The following PCDHGA1 variants were observed in gnomAD, a reference collection of about 807,000 sequenced individuals.
PCDHGA1 encodes the protein protocadherin gamma-A1.
A neutral mutation model predicts 58.0 loss-of-function variants in PCDHGA1; 32 were observed. The ratio of observed to expected loss-of-function variants is 0.55; its 90% CI spans 0.42 to 0.74. The LOEUF (loss-of-function observed/expected upper bound fraction) is 0.74, where lower values mean the gene tolerates loss of function less well. Ranked by LOEUF, PCDHGA1 falls within the 30% of genes least tolerant of loss-of-function variation. The pLI is 0.00. For synonymous variants in PCDHGA1, 498 were observed against 501.1 expected (o/e 0.99, Z 0.08); for missense variants, 1,205 against 1,182.3 (o/e 1.02, Z -0.28).
intron 1 of PCDHGA1, chr5:141,409,009 G>A (rs1189849996): frequency 6.2e-7 from 1 of 1,613,994 alleles, no homozygotes. Context: ...CCACTGACCA[G>A]GATGAGGGGG....
chr5:141,478,319 T>A, intron 1 of PCDHGA1: 4 of 1,614,052 alleles, frequency 2.5e-6, no homozygotes, highest in Non-Finnish European at 3.4e-6. Flanking sequence ...GAGCTCACTG[T>A]ACCGAACACC....
Position 141,400,401 on chromosome 5 carries a change from G to A in PCDHGA1, c.2421+67296G>A, listed in dbSNP as rs760681088. 4 of 1,613,936 alleles carry A rather than the reference G, an allele frequency of 2.5e-6. No homozygotes were observed. The South Asian group carries it at 4.4e-5, about 18-fold the overall frequency. ...TATGTGTTGCACATACAGGAAAGAC[G>A]GAGTTTAATTTCCTAAAATGTAGTG... On this transcript the variant is annotated intron_variant, in intron 1 of 3. Transcript: ENST00000517417.
At chr5:141,459,945 G>T (rs113794146) in intron 1 of PCDHGA1, among the ~76,000 whole-genome samples, 54 of 152,164 alleles carry the variant, frequency 3.5e-4, no homozygotes, top group Middle Eastern at 3.2e-3. Flanking sequence ...GGGCGTGATG[G>T]CAGGTGCCTG....
chr5:141,460,614 G>A (rs10058360), intron 1 of PCDHGA1, among the ~76,000 whole-genome samples: 42,418 of 151,914 alleles, frequency 0.28, 6,648 homozygotes, highest in African/African-American at 0.43. Flanking sequence ...TAGATGGATA[G>A]ATAGACAGAT....
intron 1 of PCDHGA1, chr5:141,375,861 C>T (rs567912144): frequency 1.9e-6 from 3 of 1,613,986 alleles, no homozygotes; most frequent in Middle Eastern, 1.7e-4. Flanking sequence ...AAGGTGGTGG[C>T]GGTGGACAGA....
rs182404532 is a variant in PCDHGA1 at position 141,384,827 on chromosome 5, T to G, written c.2421+51722T>G. ...AGAGATGCCCTCAAGCAGAGCCTCGTGGTGGCCGTCCAGGACCACGGTCAG... is the reference window on the plus strand; with the variant it reads ...AGAGATGCCCTCAAGCAGAGCCTCGGGGTGGCCGTCCAGGACCACGGTCAG... On this transcript the variant is annotated intron_variant, in intron 1 of 3. Coordinates refer to ENST00000517417, the MANE Select transcript of PCDHGA1 (RefSeq NM_018912.3). 8,704 of 1,613,474 alleles carry G rather than the reference T, an allele frequency of 5.4e-3. 36 individuals carry two copies. The highest frequency in any genetic ancestry group is 6.5e-3 in the Non-Finnish European group (7,724 of 1,179,900).
At chr5:141,393,357 G>C in intron 1 of PCDHGA1, 5 of 1,613,924 alleles carry the variant, frequency 3.1e-6, no homozygotes, top group Admixed American at 1.7e-5. Flanking sequence ...CTCCCTGGAC[G>C]TGCAGACTGG....
At chr5:141,457,532 T>C (rs2098923599) in intron 1 of PCDHGA1, among the ~76,000 whole-genome samples, 1 of 152,058 alleles carries the variant, frequency 6.6e-6, no homozygotes, top group Admixed American at 6.6e-5. Flanking sequence ...GAGACTAGGG[T>C]TTAATGACAA....
At chr5:141,424,300 AAC>A (rs1370166165) in intron 1 of PCDHGA1, 2 of 152,504 alleles carry the variant, frequency 1.3e-5, no homozygotes, top group Non-Finnish European at 2.9e-5. Context: ...TCATCCTATC[AAC>A]ACAGACATAT....
In PCDHGA1 at chr5:141,413,305, G is replaced by A. The variant is rs780711139; in HGVS notation, c.2421+80200G>A. 1.5e-5 allele frequency: 25 copies of A among 1,613,870 alleles called. No individual in the cohort carries two copies. The South Asian group carries it at 2.0e-4, about 13-fold the overall frequency. ...CTCCTACTCAATTCCTGAGGAATTA[G>A]AGAAAGGCTCTTTCGTGGGCAACAT... is the stretch of plus-strand genomic sequence containing the variant. On this transcript the variant is annotated intron_variant, in intron 1 of 3. Transcript: ENST00000517417.
At chr5:141,344,775 C>T (rs749298482) in intron 1 of PCDHGA1, 2 of 1,613,954 alleles carry the variant, frequency 1.2e-6, no homozygotes, top group African/African-American at 1.3e-5. Flanking sequence ...GCCTGAGTAC[C>T]GTGTGAGTGT....
intron 1 of PCDHGA1, chr5:141,375,888 C>T (rs1049224011): frequency 6.2e-7 from 1 of 1,613,700 alleles, no homozygotes; most frequent in Non-Finnish European, 8.5e-7. Flanking sequence ...GGCCAGAACG[C>T]CTGGCTGTCC....
At position 141,487,147 on chromosome 5, in the gene PCDHGA1, T is replaced by C; in HGVS notation, c.2422-7660T>C. 1 of 1,614,122 alleles carries C rather than the reference T, an allele frequency of 6.2e-7. No individual in the cohort carries two copies. Among genetic ancestry groups the C allele is most frequent in the Non-Finnish European group, 8.5e-7 (1 of 1,179,952 alleles). On this transcript the variant is annotated intron_variant, in intron 1 of 3. Transcript: ENST00000517417. This position sits in a 1 kb window ranked among gnomAD's most constrained non-coding sequence, Gnocchi z 5.0. ...GTGGTAGTCCACCACTCTCTACCTC[T>C]GTTACTCTCTTAGTGTCCTTAGAGG...
At chr5:141,387,298 A>G (rs2090894771) in intron 1 of PCDHGA1, among the ~76,000 whole-genome samples, 1 of 152,244 alleles carries the variant, frequency 6.6e-6, no homozygotes, top group Admixed American at 6.5e-5. Context: ...AAATGTATCC[A>G]GTATATTTCT....
chr5:141,339,876 C>T (rs764027282), intron 1 of PCDHGA1: 2 of 1,614,118 alleles, frequency 1.2e-6, no homozygotes, highest in Admixed American at 1.7e-5. Context: ...GGAGAACTGA[C>T]AATCATAAAA....
intron 1 of PCDHGA1, chr5:141,382,817 A>G (rs1778464992): frequency 3.9e-6 from 5 of 1,269,918 alleles, no homozygotes; most frequent in Non-Finnish European, 4.4e-6. Flanking sequence ...TCCCCTTCCT[A>G]AGACAGAGGG....
chr5:141,503,912 A>AAC (rs34419983), intron 2 of PCDHGA1, among the ~76,000 whole-genome samples: 3 of 152,280 alleles, frequency 2.0e-5, no homozygotes, highest in East Asian at 3.9e-4. Context: ...CACACAACGC[A>AAC]ACACACACAC....
chr5:141,496,103 C>G (rs779317844), intron 2 of PCDHGA1, among the ~76,000 whole-genome samples: 1 of 152,100 alleles, frequency 6.6e-6, no homozygotes, highest in Non-Finnish European at 1.5e-5. Flanking sequence ...ACCAACACCC[C>G]GCTCTCTTCC....
intron 1 of PCDHGA1, among the ~76,000 whole-genome samples, chr5:141,347,104 TCTC>T (rs1561493242): frequency 6.6e-6 from 1 of 151,128 alleles, no homozygotes; most frequent in African/African-American, 2.4e-5. Flanking sequence ...CCTTCCTCTC[TCTC>T]TTTCCTCCTT....
Sources: gnomAD v4.1 joint callset for allele counts (sites outside exome capture counted in the v4.1 genomes callset) on GRCh38, gnomAD v4.1.1 for gene constraint, Gnocchi (gnomAD v3.1) non-coding constraint, MANE v1.5 for transcripts, NCBI Gene and HGNC (gene_info 2026-07-23, HGNC 2026-07-21) for gene names.